Variants in ROBO2 observed in about 807,000 individuals in gnomAD.
The protein encoded by ROBO2 is roundabout guidance receptor 2.
Under a neutral mutation model 160.8 loss-of-function variants are expected in ROBO2, and 53 were observed. That is an observed-to-expected ratio of 0.33 (90% CI 0.26 to 0.41). The LOEUF is 0.41. Ranked by LOEUF, ROBO2 falls within the 10% of genes least tolerant of loss-of-function variation. The pLI, the probability that ROBO2 is intolerant of heterozygous loss-of-function variation, is 1.00. For missense variants in ROBO2, 1,577 were observed against 1,722.4 expected (o/e 0.92, Z 1.49); for synonymous variants, 664 against 611.7 (o/e 1.09, Z -1.26).
At chr3:77,356,974 G>T (rs1357142904) in intron 2 of ROBO2, among the ~76,000 whole-genome samples, 1 of 152,122 alleles carries the variant, frequency 6.6e-6, no homozygotes, top group Admixed American at 6.6e-5. Context: ...ATTAAATATT[G>T]CCTAAAATAG....
chr3:75,951,957 A>G (rs1379668727), intron 2 of ROBO2, among the ~76,000 whole-genome samples: 1 of 152,018 alleles, frequency 6.6e-6, no homozygotes, highest in African/African-American at 2.4e-5. Context: ...TTAGCTTAAT[A>G]CTAATATTAA....
chr3:76,769,821 G>A (rs2061780994), intron 2 of ROBO2, among the ~76,000 whole-genome samples: 1 of 151,376 alleles, frequency 6.6e-6, no homozygotes, highest in Admixed American at 6.6e-5. Flanking sequence ...TTCATTTAAA[G>A]TTGTCTGCCT....
chr3:76,212,488 G>T (rs1270808098), intron 2 of ROBO2, among the ~76,000 whole-genome samples: 1 of 151,736 alleles, frequency 6.6e-6, no homozygotes, highest in East Asian at 1.9e-4. Context: ...TTTATAAGAG[G>T]AAACTAAAAA....
chr3:77,491,620 C>T (rs184820337), intron 4 of ROBO2, among the ~76,000 whole-genome samples: 9 of 152,122 alleles, frequency 5.9e-5, no homozygotes, highest in South Asian at 2.1e-4. Context: ...TTATTTTATC[C>T]GACATGTTGT....
chr3:76,750,598 G>T (rs1054770476), intron 2 of ROBO2, among the ~76,000 whole-genome samples: 3 of 151,616 alleles, frequency 2.0e-5, no homozygotes, highest in Non-Finnish European at 4.4e-5. Flanking sequence ...CTTCAGCAAA[G>T]TCAGGATACA....
intron 2 of ROBO2, among the ~76,000 whole-genome samples, chr3:76,254,848 A>T (rs778441750): frequency 6.6e-6 from 1 of 151,964 alleles, no homozygotes; most frequent in Non-Finnish European, 1.5e-5. Flanking sequence ...TAATTTTGCA[A>T]ATTATTACCA....
intron 2 of ROBO2, among the ~76,000 whole-genome samples, chr3:76,321,387 C>T (rs1389438486): frequency 6.6e-6 from 1 of 151,982 alleles, no homozygotes; most frequent in Non-Finnish European, 1.5e-5. Flanking sequence ...TGGTGGCGCG[C>T]CACTGCTCAG....
At chr3:76,127,711 T>TAACACAC (rs574400852) in intron 2 of ROBO2, among the ~76,000 whole-genome samples, 2 of 152,030 alleles carry the variant, frequency 1.3e-5, no homozygotes, top group Non-Finnish European at 2.9e-5. Flanking sequence ...TTACAGGTGA[T>TAACACAC]AACACAACTT....
chr3:76,620,328 T>A (rs1158569597), intron 2 of ROBO2, among the ~76,000 whole-genome samples: 1 of 152,214 alleles, frequency 6.6e-6, no homozygotes, highest in Non-Finnish European at 1.5e-5. Flanking sequence ...AGTTCTCAGA[T>A]GAAGATTAAT....
intron 2 of ROBO2, among the ~76,000 whole-genome samples, chr3:76,283,439 C>T (rs1277042550): frequency 1.3e-5 from 2 of 151,536 alleles, no homozygotes; most frequent in African/African-American, 4.8e-5. Flanking sequence ...TTTCTTAGGC[C>T]CTGGCAGCCT....
intron 2 of ROBO2, among the ~76,000 whole-genome samples, chr3:76,908,550 C>CT (rs1409626535): frequency 6.6e-6 from 1 of 152,266 alleles, no homozygotes; most frequent in African/African-American, 2.4e-5. Context: ...TTCACAATGT[C>CT]TTTTTTCCTG....
intron 2 of ROBO2, among the ~76,000 whole-genome samples, chr3:76,554,162 G>T (rs1489691315): frequency 6.6e-6 from 1 of 152,170 alleles, no homozygotes; most frequent in Non-Finnish European, 1.5e-5. Flanking sequence ...TGTATAACTT[G>T]TTTGAAAGAA....
chr3:77,400,026 T>C (rs2075650192), intron 2 of ROBO2, among the ~76,000 whole-genome samples: 1 of 152,062 alleles, frequency 6.6e-6, no homozygotes, highest in Admixed American at 6.6e-5. Context: ...AGGGTTTGTG[T>C]GGCCAGACAG....
intron 2 of ROBO2, among the ~76,000 whole-genome samples, chr3:76,935,851 T>C (rs2077665076): frequency 6.6e-6 from 1 of 152,202 alleles, no homozygotes; most frequent in Admixed American, 6.5e-5. Context: ...TCTTTTTTAA[T>C]ATGAGCACTA....
intron 2 of ROBO2, among the ~76,000 whole-genome samples, chr3:76,986,723 A>C (rs2060400992): frequency 6.6e-6 from 1 of 152,316 alleles, no homozygotes; most frequent in South Asian, 2.1e-4. Flanking sequence ...AATATGAAAT[A>C]AAGTATGGAA....
intron 2 of ROBO2, among the ~76,000 whole-genome samples, chr3:75,958,756 T>C (rs1342120838): frequency 2.6e-5 from 4 of 151,790 alleles, no homozygotes; most frequent in Non-Finnish European, 5.9e-5. Flanking sequence ...CAAATTCTTA[T>C]ATCTTTAGTA....
chr3:76,094,779 A>T (rs2069372981), intron 2 of ROBO2, among the ~76,000 whole-genome samples: 1 of 152,218 alleles, frequency 6.6e-6, no homozygotes, highest in African/African-American at 2.4e-5. Context: ...CTACAAAATC[A>T]GCCAATATGT....
intron 2 of ROBO2, among the ~76,000 whole-genome samples, chr3:76,755,179 C>T (rs1328086791): frequency 6.6e-6 from 1 of 151,810 alleles, no homozygotes; most frequent in East Asian, 1.9e-4. Context: ...AATTCTAATA[C>T]ATATTAAAAT....
chr3:76,359,315 G>A (rs1052382221), intron 2 of ROBO2, among the ~76,000 whole-genome samples: 9 of 151,958 alleles, frequency 5.9e-5, no homozygotes, highest in East Asian at 1.9e-4. Context: ...TGAAAGAGAC[G>A]TTCATCTGAA....
Sources: allele counts gnomAD v4.1 joint callset (sites outside exome capture counted in the v4.1 genomes callset), GRCh38; gene constraint gnomAD v4.1.1; transcripts MANE v1.5; gene names NCBI Gene and HGNC (gene_info 2026-07-23, HGNC 2026-07-21).